CCSER1: variants seen among roughly 807,000 people sequenced by gnomAD.
The protein encoded by CCSER1 is coiled-coil serine rich protein 1, also known as serine-rich coiled-coil domain-containing protein 1.
CCSER1 carries 41 observed loss-of-function variants against 82.0 expected under a neutral mutation model. The ratio of observed to expected loss-of-function variants is 0.50; its 90% confidence interval spans 0.39 to 0.65. CCSER1 has a LOEUF of 0.65. CCSER1 is among the 30% of genes least tolerant of loss of function. The probability of loss-of-function intolerance (pLI) is 0.00; values close to 1 mark genes in which losing one functional copy is unlikely to be tolerated. For synonymous variants in CCSER1, 414 were observed against 383.9 expected, an observed-to-expected ratio of 1.08 and a Z score of -0.92; for missense variants, 1,119 against 1,064.2, an observed-to-expected ratio of 1.05 and a Z score of -0.72.
At chr4:91,224,130 T>A (rs1055941325) in intron 10 of CCSER1, among the ~76,000 whole-genome samples, 2 of 151,528 alleles carry the variant, frequency 1.3e-5, no homozygotes, top group African/African-American at 4.8e-5. Flanking sequence ...CCGCGCTTAA[T>A]GTGAGAGGAA....
intron 10 of CCSER1, among the ~76,000 whole-genome samples, chr4:91,560,658 T>C (rs1762613965): frequency 6.6e-6 from 1 of 151,484 alleles, no homozygotes; most frequent in Admixed American, 6.6e-5. Flanking sequence ...CATCAGTATA[T>C]ATTTACCGAA....
chr4:90,943,244 A>G (rs7662254), intron 9 of CCSER1, among the ~76,000 whole-genome samples: 43,356 of 151,966 alleles, frequency 0.29, 6,604 homozygotes, highest in Non-Finnish European at 0.32. Flanking sequence ...TATGCTACAC[A>G]GATTTTAATT....
chr4:90,816,657 A>G (rs1349848747), intron 8 of CCSER1, among the ~76,000 whole-genome samples: 1 of 152,116 alleles, frequency 6.6e-6, no homozygotes, highest in African/African-American at 2.4e-5. Flanking sequence ...AGAAATAACC[A>G]TGCAATAAGA....
intron 9 of CCSER1, among the ~76,000 whole-genome samples, chr4:90,981,551 A>C (rs1466115958): frequency 1.3e-5 from 2 of 151,894 alleles, no homozygotes; most frequent in Non-Finnish European, 2.9e-5. Flanking sequence ...AAGTTTAAAC[A>C]TCACAAGGGA....
At chr4:91,085,928 A>G in intron 9 of CCSER1, 22 bp from the exon 10 acceptor site, 1 of 1,373,268 alleles carries the variant, frequency 7.3e-7, no homozygotes, top group South Asian at 1.3e-5. Flanking sequence ...CAATAATAAT[A>G]TACTTTGCTT....
At chr4:90,839,087 G>T in intron 8 of CCSER1, 1 of 1,455,554 alleles carries the variant, frequency 6.9e-7, no homozygotes, top group Non-Finnish European at 9.6e-7. Context: ...GCGAAGTCTG[G>T]TCTGCGCAGT....
intron 5 of CCSER1, among the ~76,000 whole-genome samples, chr4:90,603,171 G>T (rs1383356348): frequency 6.6e-6 from 1 of 152,222 alleles, no homozygotes; most frequent in Non-Finnish European, 1.5e-5. Flanking sequence ...TTTAGTAGAA[G>T]AAAATAGAAG....
chr4:91,346,033 C>CTTTTTTTTTTTT (rs534383177), intron 10 of CCSER1, among the ~76,000 whole-genome samples: 8 of 144,990 alleles, frequency 5.5e-5, no homozygotes, highest in African/African-American at 2.1e-4. Flanking sequence ...CTTGACAGCT[C>CTTTTTTTTTTTT]TTTTTTTTTT....
chr4:91,535,444 G>A (rs1401542085), intron 10 of CCSER1, among the ~76,000 whole-genome samples: 6 of 148,084 alleles, frequency 4.1e-5, no homozygotes, highest in African/African-American at 7.5e-5. Context: ...GTGAGGAGAC[G>A]GAATAAAATC....
intron 10 of CCSER1, among the ~76,000 whole-genome samples, chr4:91,122,919 A>G (rs1219598659): frequency 6.6e-6 from 1 of 151,728 alleles, no homozygotes; most frequent in African/African-American, 2.4e-5. Flanking sequence ...TAATTTTCTG[A>G]ATCAATTCTA....
rs182849813 is a variant in CCSER1 at position 90,544,056 on chromosome 4, C to T, written c.1724+75702C>T. The stretch of plus-strand genomic sequence containing the variant: ...CGAAGTAACATTGTAATGCTGTTCC[C>T]TGAGCCCCAATTCCCAGGGGACTAC... On this transcript the variant is annotated intron_variant, in intron 5 of 10. Transcript: ENST00000509176. 4.6e-3 allele frequency among the ~76,000 whole-genome samples: 702 copies of T among 152,222 alleles called. 5 individuals carry two copies. Among genetic ancestry groups the T allele is most frequent in the African/African-American group, 0.016 (657 of 41,538 alleles).
At chr4:91,320,016 C>A (rs1170458327) in intron 10 of CCSER1, among the ~76,000 whole-genome samples, 1 of 151,976 alleles carries the variant, frequency 6.6e-6, no homozygotes, top group Non-Finnish European at 1.5e-5. Context: ...GTGAATCATC[C>A]TTTTTGTCCA....
chr4:90,153,293 C>T (rs1727271683), intron 1 of CCSER1, among the ~76,000 whole-genome samples: 1 of 151,976 alleles, frequency 6.6e-6, no homozygotes, highest in Non-Finnish European at 1.5e-5. Context: ...CATTGTTGGA[C>T]ATTTGGGTTG....
At chr4:91,332,028 A>G (rs1746995128) in intron 10 of CCSER1, among the ~76,000 whole-genome samples, 1 of 152,176 alleles carries the variant, frequency 6.6e-6, no homozygotes, top group Admixed American at 6.6e-5. Context: ...ATAATAAGAC[A>G]TTAGATTCTC....
intron 1 of CCSER1, among the ~76,000 whole-genome samples, chr4:90,186,751 CT>C (rs750768560): frequency 1.3e-5 from 2 of 151,534 alleles, no homozygotes; most frequent in African/African-American, 2.4e-5. Context: ...TACCTTTTTC[CT>C]TTTCTATTTT....
intron 3 of CCSER1, among the ~76,000 whole-genome samples, chr4:90,383,621 G>A (rs866769703): frequency 6.6e-6 from 1 of 151,922 alleles, no homozygotes; most frequent in South Asian, 2.1e-4. Context: ...GAAGGGAAGC[G>A]TAGTGGAGAA....
intron 6 of CCSER1, among the ~76,000 whole-genome samples, chr4:90,650,238 C>G (rs188117638): frequency 1.3e-5 from 2 of 151,484 alleles, no homozygotes; most frequent in African/African-American, 2.4e-5. Flanking sequence ...AACAAACAAA[C>G]AAACAGAAAG....
At chr4:90,986,954 T>C (rs577520371) in intron 9 of CCSER1, among the ~76,000 whole-genome samples, 45 of 151,748 alleles carry the variant, frequency 3.0e-4, no homozygotes, top group African/African-American at 1.1e-3. Flanking sequence ...GTAGGGTTTA[T>C]GGACCTCGGG....
At chr4:91,144,164 T>A (rs1207761915) in intron 10 of CCSER1, among the ~76,000 whole-genome samples, 2 of 152,060 alleles carry the variant, frequency 1.3e-5, no homozygotes, top group Non-Finnish European at 2.9e-5. Flanking sequence ...GTTCAGGGTT[T>A]TAATTTCTTC....
Sources: allele counts gnomAD v4.1 joint callset (sites outside exome capture counted in the v4.1 genomes callset), GRCh38; gene constraint gnomAD v4.1.1; transcripts MANE v1.5; gene names NCBI Gene and HGNC (gene_info 2026-07-23, HGNC 2026-07-21).